Variants in ZEB2 observed in about 807,000 individuals in gnomAD.
ZEB2 encodes zinc finger E-box binding homeobox 2.
ZEB2 carries 6 observed loss-of-function variants against 99.9 expected under a neutral mutation model. The ratio of observed to expected loss-of-function variants is 0.06; its 90% confidence interval spans 0.03 to 0.12. The LOEUF (loss-of-function observed/expected upper bound fraction) is 0.12. Among genes scored for constraint, ZEB2 ranks in the 10% least tolerant of loss-of-function variants. The probability of loss-of-function intolerance (pLI) is 1.00; values close to 1 mark genes in which losing one functional copy is unlikely to be tolerated. For synonymous variants in ZEB2, 517 were observed against 542.5 expected, an observed-to-expected ratio of 0.95 and a Z score of 0.65; for missense variants, 969 against 1,502.8, an observed-to-expected ratio of 0.64 and a Z score of 5.87.
chr2:144,492,605 G>A (rs992921513), intron 2 of ZEB2, among the ~76,000 whole-genome samples: 1 of 152,084 alleles, frequency 6.6e-6, no homozygotes, highest in African/African-American at 2.4e-5. Context: ...ACACTCTTCC[G>A]AGCACCCACA....
At chr2:144,480,570 C>A (rs917935186) in intron 2 of ZEB2, among the ~76,000 whole-genome samples, 4 of 152,070 alleles carry the variant, frequency 2.6e-5, no homozygotes, top group African/African-American at 9.7e-5. Flanking sequence ...TGTTGCTTGG[C>A]CCTACTCTGT....
intron 4 of ZEB2, among the ~76,000 whole-genome samples, chr2:144,420,649 C>T (rs376105064): frequency 4.6e-5 from 7 of 152,136 alleles, no homozygotes; most frequent in African/African-American, 1.7e-4. Context: ...AGATTGCTGT[C>T]GTTTGGGGTG....
intron 9 of ZEB2, among the ~76,000 whole-genome samples, chr2:144,392,948 T>C (rs1045731587): frequency 6.6e-6 from 1 of 152,212 alleles, no homozygotes; most frequent in Non-Finnish European, 1.5e-5. Flanking sequence ...AGAAACAAGA[T>C]TGACTGGTAA....
intron 2 of ZEB2, chr2:144,511,831 T>A: frequency 7.8e-7 from 1 of 1,287,218 alleles, no homozygotes; most frequent in South Asian, 1.2e-5. Flanking sequence ...CTATATTTAT[T>A]GGTTTAAATC....
At chr2:144,498,952 G>A (rs1704829921) in intron 2 of ZEB2, among the ~76,000 whole-genome samples, 1 of 152,108 alleles carries the variant, frequency 6.6e-6, no homozygotes, top group South Asian at 2.1e-4. Flanking sequence ...CAGAGATACA[G>A]TATTTCTTAT....
intron 2 of ZEB2, among the ~76,000 whole-genome samples, chr2:144,464,604 A>G (rs11892740): frequency 0.36 from 54,699 of 151,968 alleles, 10,004 homozygotes; most frequent in South Asian, 0.49. Context: ...CAAGCAATCA[A>G]TGTACATTAA....
chr2:144,421,504 A>G (rs1449690326), intron 4 of ZEB2, among the ~76,000 whole-genome samples: 1 of 152,204 alleles, frequency 6.6e-6, no homozygotes, highest in Non-Finnish European at 1.5e-5. Flanking sequence ...TAAGCTGAAG[A>G]TCACTAGTAA....
At chr2:144,396,734 T>C in intron 8 of ZEB2, 142 bp from the exon 9 acceptor site, 4 of 840,228 alleles carry the variant, frequency 4.8e-6, no homozygotes, top group South Asian at 1.4e-5. Flanking sequence ...CCATGAACAA[T>C]ATATGAGGTC....
At chr2:144,480,399 GTCCC>G (rs1278422004) in intron 2 of ZEB2, among the ~76,000 whole-genome samples, 1 of 152,122 alleles carries the variant, frequency 6.6e-6, no homozygotes, top group African/African-American at 2.4e-5. Context: ...GTTCCCAGTA[GTCCC>G]TACTAGACAG....
At chr2:144,472,193 TTCATCATCATCATCA>T (rs3073687) in intron 2 of ZEB2, among the ~76,000 whole-genome samples, 1 of 151,130 alleles carries the variant, frequency 6.6e-6, no homozygotes, top group African/African-American at 2.4e-5. Flanking sequence ...TCATGTTTTC[TTCATCATCATCATCA>T]TCATCATCAT....
chr2:144,452,022 G>A (rs1704061087), intron 2 of ZEB2, among the ~76,000 whole-genome samples: 1 of 151,964 alleles, frequency 6.6e-6, no homozygotes, highest in African/African-American at 2.4e-5. Context: ...AAGACTGCGT[G>A]GTCACCTCTC....
rs149772723 is a variant in ZEB2 at position 144,512,567 on chromosome 2, G to C, written c.73+4711C>G. On this transcript the variant is annotated intron_variant, in intron 2 of 9. Coordinates refer to ENST00000627532, the MANE Select transcript of ZEB2 (RefSeq NM_014795.4). ...CTTTAATCTTGGTTTTACCCTATTT[G>C]AAAACAAATGGTGGAAGACGTGAAT... 2.5e-4 allele frequency: 326 copies of C among 1,287,172 alleles called. 2 individuals are homozygous for C. The African/African-American group carries it at 4.5e-3, about 18-fold the overall frequency. The allele number at this position is 1,287,172 out of a possible 1,614,324, so 79.7% of individuals were successfully genotyped here.
chr2:144,413,215 A>G (rs1459953518), intron 4 of ZEB2, among the ~76,000 whole-genome samples: 1 of 152,266 alleles, frequency 6.6e-6, no homozygotes. Context: ...GAAAACAAAC[A>G]TGCAGATTAA....
At chr2:144,446,365 CCTCT>C (rs886470194) in intron 2 of ZEB2, among the ~76,000 whole-genome samples, 7 of 151,804 alleles carry the variant, frequency 4.6e-5, no homozygotes, top group African/African-American at 1.5e-4. Flanking sequence ...TTGCTTCCTC[CCTCT>C]ATCCTTCCTT....
At chr2:144,390,123 G>A in intron 9 of ZEB2, 95 bp from the exon 10 acceptor site, 4 of 1,276,182 alleles carry the variant, frequency 3.1e-6, no homozygotes, top group South Asian at 1.2e-5. Flanking sequence ...AGGCATAAGC[G>A]TGTGTACTTA....
At chr2:144,464,121 T>G (rs1454979084) in intron 2 of ZEB2, 3 of 152,210 alleles carry the variant, frequency 2.0e-5, no homozygotes, top group Non-Finnish European at 4.4e-5. Flanking sequence ...TTGTCCTTAA[T>G]TTTACTGTGT....
chr2:144,515,241 GCCT>G (rs1705111970), intron 2 of ZEB2, among the ~76,000 whole-genome samples: 1 of 151,910 alleles, frequency 6.6e-6, no homozygotes, highest in African/African-American at 2.4e-5. Context: ...AGGGAAAAAA[GCCT>G]CCTTGACACA....
intron 1 of ZEB2, 56 bp from the exon 2 acceptor site, chr2:144,517,475 G>A: frequency 8.0e-7 from 1 of 1,254,922 alleles, no homozygotes. Flanking sequence ...TGAAACGCGC[G>A]CGGGCCGCCC....
Position 144,385,762 on chromosome 2 carries a change from C to T in ZEB2, c.*3689G>A, listed in dbSNP as rs1703072882. On this transcript the variant is annotated 3_prime_UTR_variant, in exon 10 of 10. Coordinates refer to ENST00000627532, the MANE Select transcript of ZEB2 (RefSeq NM_014795.4). The stretch of plus-strand genomic sequence containing the variant: ...TGTAAACTTATTATTGGGCAGTCTC[C>T]TCAAATTTGTGACTAAGATTTGCTT... 6.6e-6 allele frequency: 1 copy of T among 152,142 alleles called. No homozygotes were observed. The highest frequency in any genetic ancestry group is 2.1e-4 in the South Asian group (1 of 4,822). The allele number at this position is 152,142 out of a possible 1,614,324, so 9.4% of individuals were successfully genotyped here.
Sources: allele counts gnomAD v4.1 joint callset (sites outside exome capture counted in the v4.1 genomes callset), GRCh38; gene constraint gnomAD v4.1.1; transcripts MANE v1.5; gene names NCBI Gene and HGNC (gene_info 2026-07-23, HGNC 2026-07-21).